Variants in SLC4A10 observed in about 807,000 individuals in gnomAD.
SLC4A10 encodes solute carrier family 4 member 10.
SLC4A10 carries 42 observed loss-of-function variants against 137.7 expected under a neutral mutation model. That is an observed-to-expected ratio of 0.30 (90% CI 0.24 to 0.39). SLC4A10 has a LOEUF of 0.39. Among genes scored for constraint, SLC4A10 ranks in the 10% least tolerant of loss-of-function variants. The pLI is 1.00. For missense variants in SLC4A10, 925 were observed against 1,355.0 expected (o/e 0.68, Z 4.98); for synonymous variants, 474 against 464.1 (o/e 1.02, Z -0.27).
At chr2:161,660,574 T>TTCTA (rs1283512126) in intron 1 of SLC4A10, among the ~76,000 whole-genome samples, 1 of 126,684 alleles carries the variant, frequency 7.9e-6, no homozygotes, top group Admixed American at 8.2e-5. Flanking sequence ...CTTTCTTTCT[T>TTCTA]TCTTTCTTTC....
rs551947223 is a variant in SLC4A10, at chr2:161,943,669, T to C, written c.2103+772T>C. Among the ~76,000 whole-genome samples the C allele has an allele frequency of 2.3e-4, 35 of 152,122 alleles. 1 individual carries two copies. In the South Asian group the frequency reaches 6.8e-3, roughly 30 times the overall value. On this transcript the variant is annotated intron_variant, in intron 16 of 26. Transcript: ENST00000446997. ...AATATTAAAATCTGAGTAGCCCTAC[T>C]TTCTTTTCTATTCTTCCCAGCTATA... is the stretch of plus-strand genomic sequence containing the variant.
chr2:161,639,845 A>G (rs2035023055), intron 1 of SLC4A10, among the ~76,000 whole-genome samples: 1 of 152,196 alleles, frequency 6.6e-6, no homozygotes, highest in African/African-American at 2.4e-5. Context: ...CCCTGTTTGC[A>G]GACTACATGA....
intron 1 of SLC4A10, among the ~76,000 whole-genome samples, chr2:161,676,122 T>C (rs1019978634): frequency 2.6e-5 from 4 of 152,184 alleles, no homozygotes; most frequent in African/African-American, 7.2e-5. Context: ...GGGTATGCCT[T>C]GTATACTTAC....
At chr2:161,783,074 G>A (rs2053231682) in intron 2 of SLC4A10, among the ~76,000 whole-genome samples, 1 of 151,876 alleles carries the variant, frequency 6.6e-6, no homozygotes, top group Non-Finnish European at 1.5e-5. Context: ...AAGAGAAAAA[G>A]CAACAAGGGA....
At chr2:161,755,512 A>G (rs1425500767) in intron 1 of SLC4A10, among the ~76,000 whole-genome samples, 1 of 152,008 alleles carries the variant, frequency 6.6e-6, no homozygotes, top group Admixed American at 6.6e-5. Context: ...TTCTAAGTCC[A>G]TTTTTCTAAT....
chr2:161,751,908 T>A (rs1463224502), intron 1 of SLC4A10, among the ~76,000 whole-genome samples: 1 of 151,916 alleles, frequency 6.6e-6, no homozygotes, highest in Non-Finnish European at 1.5e-5. Flanking sequence ...CTCAAGTACA[T>A]CTTTATACAA....
At chr2:161,695,275 T>C (rs1213660088) in intron 1 of SLC4A10, among the ~76,000 whole-genome samples, 1 of 152,096 alleles carries the variant, frequency 6.6e-6, no homozygotes, top group South Asian at 2.1e-4. Flanking sequence ...ATAATTAGCA[T>C]TGATTTTAAA....
At position 161,879,114 on chromosome 2, in the gene SLC4A10, C is replaced by T. The variant is rs766980167; in HGVS notation, c.949-17C>T. 8.7e-6 allele frequency: 14 copies of T among 1,610,754 alleles called. No individual in the cohort carries two copies. The South Asian group carries it at 1.4e-4, about 16-fold the overall frequency. On this transcript the variant is annotated splice_polypyrimidine_tract_variant and intron_variant, in intron 8 of 26. Coordinates refer to ENST00000446997, the MANE Select transcript of SLC4A10 (RefSeq NM_001178015.2). The stretch of plus-strand genomic sequence containing the variant: ...TTCCAATTTTGATTTATCATATTTA[C>T]CTGGTGATGCTTGCAGGTTGATCTG...
At chr2:161,697,237 T>G (rs1026600498) in intron 1 of SLC4A10, among the ~76,000 whole-genome samples, 1 of 152,162 alleles carries the variant, frequency 6.6e-6, no homozygotes, top group Non-Finnish European at 1.5e-5. Context: ...TTGCAAAATT[T>G]TCTCCCATTC....
intron 3 of SLC4A10, among the ~76,000 whole-genome samples, chr2:161,838,283 T>TA (rs34124601): frequency 0.66 from 99,315 of 150,646 alleles, 32,999 homozygotes; most frequent in East Asian, 0.98. Flanking sequence ...ATGCAAAAAA[T>TA]AAAAAAAAAC....
intron 8 of SLC4A10, among the ~76,000 whole-genome samples, chr2:161,874,652 A>G (rs568399700): frequency 6.6e-6 from 1 of 152,268 alleles, no homozygotes; most frequent in African/African-American, 2.4e-5. Context: ...AGAGCCCTCT[A>G]CTTAGTGTCA....
chr2:161,775,902 G>T (rs962305335), intron 2 of SLC4A10, among the ~76,000 whole-genome samples: 12 of 151,738 alleles, frequency 7.9e-5, no homozygotes, highest in Admixed American at 6.6e-4. Flanking sequence ...ATCATAAAGA[G>T]AAGAAAATTT....
chr2:161,851,779 A>G (rs1244625871), intron 4 of SLC4A10, among the ~76,000 whole-genome samples: 1 of 152,214 alleles, frequency 6.6e-6, no homozygotes, highest in East Asian at 1.9e-4. Context: ...GGGTAAGTTT[A>G]TAGAGTTACA....
chr2:161,768,249 C>T (rs1160438595), intron 1 of SLC4A10, among the ~76,000 whole-genome samples: 1 of 152,052 alleles, frequency 6.6e-6, no homozygotes, highest in African/African-American at 2.4e-5. Flanking sequence ...AGACAGATTT[C>T]AGCCAGAACC....
intron 1 of SLC4A10, among the ~76,000 whole-genome samples, chr2:161,643,584 G>T (rs1052236970): frequency 3.3e-5 from 5 of 152,080 alleles, no homozygotes; most frequent in African/African-American, 7.2e-5. Flanking sequence ...TATGACAAAA[G>T]AGATAGTTTT....
intron 9 of SLC4A10, 37 bp from the exon 10 acceptor site, chr2:161,882,320 T>G (rs768054938): frequency 7.7e-7 from 1 of 1,300,490 alleles, no homozygotes; most frequent in East Asian, 2.6e-5. Context: ...ATTTTTATAT[T>G]TCTACCTTAA....
intron 1 of SLC4A10, among the ~76,000 whole-genome samples, chr2:161,762,566 G>A (rs774124793): frequency 1.3e-5 from 2 of 151,990 alleles, no homozygotes; most frequent in African/African-American, 2.4e-5. Context: ...TTGAATTTTA[G>A]CATTAAATCT....
At position 161,627,130 on chromosome 2, in the gene SLC4A10, C is replaced by A. The variant is rs1407117936; in HGVS notation, c.48+2564C>A. Reference sequence around the variant, plus strand: ...AAGTTCCTGACATTTAGTAAGTGTTCAATAAAACTTGCTATTATCATTGTC... The same window carrying A: ...AAGTTCCTGACATTTAGTAAGTGTTAAATAAAACTTGCTATTATCATTGTC... On this transcript the variant is annotated intron_variant, in intron 1 of 26. Transcript: ENST00000446997. Among the ~76,000 whole-genome samples, 18 of 152,094 alleles carry A rather than the reference C, an allele frequency of 1.2e-4. No individual in the cohort carries two copies. The East Asian group carries it at 3.3e-3, about 28-fold the overall frequency.
chr2:161,980,868 C>T (rs922843630), intron 26 of SLC4A10, among the ~76,000 whole-genome samples: 6 of 152,274 alleles, frequency 3.9e-5, no homozygotes, highest in South Asian at 2.1e-4. Flanking sequence ...ATGTTTATTA[C>T]AATGACAGAT....
Sources: gnomAD v4.1 joint callset for allele counts (sites outside exome capture counted in the v4.1 genomes callset) on GRCh38, gnomAD v4.1.1 for gene constraint, MANE v1.5 for transcripts, NCBI Gene and HGNC (gene_info 2026-07-23, HGNC 2026-07-21) for gene names.